The following THEMIS variants were observed in gnomAD, a reference collection of about 807,000 sequenced individuals.
THEMIS encodes the protein protein THEMIS.
Under a neutral mutation model 52.6 loss-of-function variants are expected in THEMIS, and 37 were observed. The ratio of observed to expected loss-of-function variants is 0.70; its 90% CI spans 0.54 to 0.93. THEMIS has a LOEUF of 0.93. Among genes scored for constraint, THEMIS ranks in the 40% least tolerant of loss-of-function variants. THEMIS has a pLI of 0.00. For missense variants in THEMIS, 808 were observed against 763.1 expected (o/e 1.06, Z -0.69); for synonymous variants, 292 against 272.7 (o/e 1.07, Z -0.70).
chr6:127,839,776 A>G (rs1462377832), intron 2 of THEMIS, among the ~76,000 whole-genome samples: 1 of 152,092 alleles, frequency 6.6e-6, no homozygotes, highest in Non-Finnish European at 1.5e-5. Flanking sequence ...CACCCTTATA[A>G]GAACAACTCT....
At chr6:127,808,025 A>G (rs1436427381) in intron 4 of THEMIS, among the ~76,000 whole-genome samples, 1 of 152,062 alleles carries the variant, frequency 6.6e-6, no homozygotes, top group South Asian at 2.1e-4. Context: ...GTACCTTGCC[A>G]TTACTGCCTC....
At chr6:127,827,268 A>G (rs1778539770) in intron 3 of THEMIS, among the ~76,000 whole-genome samples, 1 of 152,232 alleles carries the variant, frequency 6.6e-6, no homozygotes, top group Admixed American at 6.5e-5. Flanking sequence ...AACAATACAA[A>G]TACTTTAAAT....
chr6:127,736,859 A>AG (rs1388897882), intron 4 of THEMIS, among the ~76,000 whole-genome samples: 2 of 151,504 alleles, frequency 1.3e-5, no homozygotes, highest in African/African-American at 4.8e-5. Flanking sequence ...ATCAAAAAAA[A>AG]AAAAAAAAGA....
intron 4 of THEMIS, among the ~76,000 whole-genome samples, chr6:127,765,595 C>T (rs1051160384): frequency 2.6e-5 from 4 of 152,094 alleles, no homozygotes; most frequent in Non-Finnish European, 5.9e-5. Context: ...TGCCACATTA[C>T]ATTTCAGTCA....
intron 5 of THEMIS, among the ~76,000 whole-genome samples, chr6:127,716,362 A>C (rs1455783828): frequency 1.3e-5 from 2 of 151,876 alleles, no homozygotes; most frequent in Non-Finnish European, 2.9e-5. Flanking sequence ...CCTCCTCAGA[A>C]CTAAATAATC....
rs1773885995 is a variant in THEMIS at position 127,709,046 on chromosome 6, T to C, written c.*939A>G. On this transcript the variant is annotated 3_prime_UTR_variant, in exon 6 of 6. Coordinates refer to ENST00000368248, the MANE Select transcript of THEMIS (RefSeq NM_001010923.3). ...ATATTGTTCCTGTATACTTAATACA[T>C]AATAAGATAAATTATTAAAATGTGA... 6.6e-6 allele frequency: 1 copy of C among 152,058 alleles called. No homozygotes were observed. 9.4% of individuals were successfully genotyped at this position (152,058 alleles called of 1,614,324 possible). A position where few individuals can be genotyped will look rare whatever the true frequency, so the allele number is the denominator to read the frequency against.
chr6:127,851,514 T>TA (rs1456091899), intron 2 of THEMIS, among the ~76,000 whole-genome samples: 1 of 151,738 alleles, frequency 6.6e-6, no homozygotes, highest in African/African-American at 2.4e-5. Context: ...ACTCAATTTT[T>TA]AAAAAAATGA....
chr6:127,814,822 C>A (rs949161099), intron 3 of THEMIS, among the ~76,000 whole-genome samples: 1 of 152,154 alleles, frequency 6.6e-6, no homozygotes, highest in Non-Finnish European at 1.5e-5. Context: ...TCCTCATATA[C>A]CACCCAACAT....
intron 2 of THEMIS, among the ~76,000 whole-genome samples, chr6:127,853,874 G>C (rs922773023): frequency 4.6e-5 from 7 of 151,590 alleles, no homozygotes; most frequent in Non-Finnish European, 1.0e-4. Flanking sequence ...CTAAGAAGTG[G>C]CAGAGCTGGG....
chr6:127,708,695 C>G lies in THEMIS; in HGVS notation c.*1290G>C, dbSNP rs906665339. ...AAATGATATTACCACAATCAAATCA[C>G]TAAGCAATTTTTAGGACACTAGAAA... On this transcript the variant is annotated 3_prime_UTR_variant, in exon 6 of 6. Coordinates refer to ENST00000368248, the MANE Select transcript of THEMIS (RefSeq NM_001010923.3). 6.6e-6 allele frequency: 1 copy of G among 152,004 alleles called. No individual in the cohort carries two copies. The highest frequency in any genetic ancestry group is 2.1e-4 in the South Asian group (1 of 4,830). 9.4% of individuals were successfully genotyped at this position (152,004 alleles called of 1,614,324 possible).
intron 4 of THEMIS, among the ~76,000 whole-genome samples, chr6:127,760,180 G>C (rs1006198660): frequency 6.6e-6 from 1 of 150,846 alleles, no homozygotes; most frequent in Non-Finnish European, 1.5e-5. Context: ...CCTTATCAAA[G>C]ATACGTTGAC....
chr6:127,713,352 T>G (rs1312568513), intron 5 of THEMIS, among the ~76,000 whole-genome samples: 1 of 151,894 alleles, frequency 6.6e-6, no homozygotes, highest in Non-Finnish European at 1.5e-5. Context: ...AGAAAATGTT[T>G]GATAGAATCC....
intron 4 of THEMIS, among the ~76,000 whole-genome samples, chr6:127,804,680 A>T (rs1777642629): frequency 6.6e-6 from 1 of 152,156 alleles, no homozygotes; most frequent in Non-Finnish European, 1.5e-5. Context: ...TCAGGAGAAA[A>T]GCTGAAATCA....
At chr6:127,702,295 C>T in the THEMIS span, among the ~76,000 whole-genome samples, 1 of 152,154 alleles carries the variant, frequency 6.6e-6, no homozygotes, top group African/African-American at 2.4e-5. Context: ...TCTGAAATTT[C>T]ACCATGAGTT....
intron 1 of THEMIS, among the ~76,000 whole-genome samples, chr6:127,885,436 A>T (rs929438797): frequency 6.6e-6 from 1 of 152,134 alleles, no homozygotes. Context: ...AGTTTATGAC[A>T]GAGCACCTTT....
intron 4 of THEMIS, among the ~76,000 whole-genome samples, chr6:127,770,502 T>A (rs1025026142): frequency 2.0e-5 from 3 of 152,310 alleles, no homozygotes; most frequent in Admixed American, 2.0e-4. Context: ...TTGTTTAAGT[T>A]CTTTGTAGAT....
At chr6:127,713,468 G>C (rs980754748) in intron 5 of THEMIS, among the ~76,000 whole-genome samples, 1 of 151,800 alleles carries the variant, frequency 6.6e-6, no homozygotes, top group Non-Finnish European at 1.5e-5. Flanking sequence ...TATAACCTAA[G>C]GATAGAGCAA....
chr6:127,828,244 A>G lies in THEMIS; in HGVS notation c.709+1232T>C, dbSNP rs1778575875. On this transcript the variant is annotated intron_variant, in intron 3 of 5. Coordinates refer to ENST00000368248, the MANE Select transcript of THEMIS (RefSeq NM_001010923.3). Reference sequence around the variant, plus strand: ...GATGCCAATAGTTGTAGAAAATAACAAATTTTAAAATGAGAAAATACTATC... The same window carrying G: ...GATGCCAATAGTTGTAGAAAATAACGAATTTTAAAATGAGAAAATACTATC... Among the ~76,000 whole-genome samples the G allele has an allele frequency of 4.6e-5, 7 of 152,208 alleles. No homozygotes were observed. The South Asian group carries it at 8.3e-4, about 18-fold the overall frequency.
chr6:127,798,991 CAA>C (rs760389708), intron 4 of THEMIS, among the ~76,000 whole-genome samples: 9 of 71,578 alleles, frequency 1.3e-4, no homozygotes, highest in Admixed American at 3.3e-4. Context: ...GACTCCGTCT[CAA>C]AAAAAAAAAA....
Sources: gnomAD v4.1 joint callset for allele counts (sites outside exome capture counted in the v4.1 genomes callset) on GRCh38, gnomAD v4.1.1 for gene constraint, MANE v1.5 for transcripts, NCBI Gene and HGNC (gene_info 2026-07-23, HGNC 2026-07-21) for gene names.